The following TUBGCP5 variants were observed in gnomAD, a reference collection of about 807,000 sequenced individuals.
TUBGCP5 encodes the protein gamma-tubulin complex component 5.
In TUBGCP5, 98 loss-of-function variants were observed where a neutral mutation model predicts 134.7. The observed-to-expected ratio is 0.73, with a 90% CI of 0.62 to 0.86. The LOEUF is 0.86. Ranked by LOEUF, TUBGCP5 falls within the 40% of genes least tolerant of loss-of-function variation. TUBGCP5 has a pLI of 0.00. For synonymous variants in TUBGCP5, 456 were observed against 431.4 expected, an observed-to-expected ratio of 1.06 and a Z score of -0.71; for missense variants, 1,150 against 1,244.8, an observed-to-expected ratio of 0.92 and a Z score of 1.15.
intron 3 of TUBGCP5, among the ~76,000 whole-genome samples, chr15:23,035,997 G>A (rs1405424933): frequency 6.6e-6 from 1 of 152,206 alleles, no homozygotes; most frequent in Non-Finnish European, 1.5e-5. Context: ...CAGTGCCTGA[G>A]TTTAATATTA....
chr15:23,039,455 T>G lies in TUBGCP5; in HGVS notation c.89A>C (p.Gln30Pro). The change falls in exon 1 of 23, where the codon CAG (glutamine) becomes CCG (proline). Residue 30 changes from glutamine (Q) to proline (P), a missense_variant. Coordinates refer to ENST00000615383, the MANE Select transcript of TUBGCP5 (RefSeq NM_052903.6). ...RELVRGVAGLQDEADPNFQLA... is the reference protein window; with the variant it reads ...RELVRGVAGLPDEADPNFQLA... Reference sequence around the variant, plus strand: ...CTGGAAGTTGGGGTCTGCCTCGTCCTGGAGGCCGGCGACACCCCGGACGAG... The same window carrying G: ...CTGGAAGTTGGGGTCTGCCTCGTCCGGGAGGCCGGCGACACCCCGGACGAG... 6.5e-7 allele frequency: 1 copy of G among 1,549,460 alleles called. No individual in the cohort carries two copies. Among genetic ancestry groups the G allele is most frequent in the South Asian group, 1.2e-5 (1 of 83,966 alleles).
chr15:23,017,892 T>TACAC lies in TUBGCP5; in HGVS notation c.1636_1637insGTGT (p.His546ArgfsTer73), dbSNP rs2065431780. ...AGGTTTGAGGAAGGACACCATGGTG[T>TACAC]GCTGCCTGCTGGAGGGCCCCTGGTC... On this transcript the variant is annotated frameshift_variant, in exon 13 of 23. Coordinates refer to ENST00000615383, the MANE Select transcript of TUBGCP5 (RefSeq NM_052903.6). LOFTEE classifies it high-confidence loss of function. 1 of 1,614,048 alleles carries TACAC rather than the reference T, an allele frequency of 6.2e-7. No homozygotes were observed. The highest frequency in any genetic ancestry group is 8.5e-7 in the Non-Finnish European group (1 of 1,180,016).
intron 11 of TUBGCP5, among the ~76,000 whole-genome samples, chr15:23,021,730 T>G (rs1816769776): frequency 6.6e-6 from 1 of 152,204 alleles, no homozygotes; most frequent in African/African-American, 2.4e-5. Flanking sequence ...ACACATCAGG[T>G]AGGTACTTCT....
At chr15:22,987,220 G>C (rs1309134236) in intron 23 of TUBGCP5, among the ~76,000 whole-genome samples, 1 of 151,914 alleles carries the variant, frequency 6.6e-6, no homozygotes, top group Non-Finnish European at 1.5e-5. Context: ...TGCAATTCCA[G>C]CTACTTGGGA....
intron 1 of TUBGCP5, among the ~76,000 whole-genome samples, chr15:23,038,717 T>C (rs1201624322): frequency 2.0e-5 from 3 of 152,222 alleles, no homozygotes; most frequent in Admixed American, 1.3e-4. Context: ...GTAATGACTC[T>C]AAAAGTATTA....
intron 13 of TUBGCP5, 94 bp downstream of exon 13, chr15:23,017,679 G>A (rs2065417065): frequency 7.8e-7 from 1 of 1,290,066 alleles, no homozygotes; most frequent in South Asian, 1.6e-5. Flanking sequence ...TTGATGACTT[G>A]CAAACTACAA....
At chr15:22,995,585 A>AAC (rs1555432146), downstream of TUBGCP5, among the ~76,000 whole-genome samples, 2 of 151,432 alleles carry the variant, frequency 1.3e-5, no homozygotes, top group African/African-American at 4.9e-5. Context: ...AAAAAAAAAA[A>AAC]AAAACAAAAC....
intron 1 of TUBGCP5, among the ~76,000 whole-genome samples, chr15:23,037,501 A>AC (rs2066663056): frequency 6.6e-6 from 1 of 152,202 alleles, no homozygotes; most frequent in African/African-American, 2.4e-5. Context: ...AAGCCTAAGG[A>AC]CCCCTTCTCT....
At chr15:23,009,273 A>AT (rs536559427) in intron 15 of TUBGCP5, among the ~76,000 whole-genome samples, 54 of 145,370 alleles carry the variant, frequency 3.7e-4, no homozygotes, top group Admixed American at 4.9e-4. Context: ...AATTGCCATA[A>AT]TTTTTTTTTT....
chr15:23,029,333 T>G (rs931454768), intron 6 of TUBGCP5, among the ~76,000 whole-genome samples: 2 of 152,208 alleles, frequency 1.3e-5, no homozygotes, highest in South Asian at 4.1e-4. Flanking sequence ...GCGATTCTTC[T>G]GCTTCAGCCT....
intron 21 of TUBGCP5, among the ~76,000 whole-genome samples, chr15:23,002,433 T>C (rs574036025): frequency 1.1e-4 from 16 of 152,200 alleles, no homozygotes; most frequent in East Asian, 1.9e-4. Context: ...GGTAACAAAA[T>C]ATTGAGCTGT....
chr15:23,006,707 A>T (rs1191236986), intron 16 of TUBGCP5, among the ~76,000 whole-genome samples: 2 of 152,156 alleles, frequency 1.3e-5, no homozygotes, highest in Non-Finnish European at 1.5e-5. Flanking sequence ...GGACGAGCAG[A>T]GCAGCTCGAC....
chr15:23,024,880 T>C lies in TUBGCP5; in HGVS notation c.828-50A>G, dbSNP rs371867793. The stretch of plus-strand genomic sequence containing the variant: ...AGTGTACTTTAAGTCTAGAAAAATA[T>C]TCATGACAGTATGCCCAGGACATTT... On this transcript the variant is annotated intron_variant, in intron 8 of 22. Coordinates refer to ENST00000615383, the MANE Select transcript of TUBGCP5 (RefSeq NM_052903.6). 3.2e-5 allele frequency: 37 copies of C among 1,144,318 alleles called. No individual in the cohort carries two copies. In the African/African-American group the frequency reaches 5.2e-4, roughly 16 times the overall value. The allele number at this position is 1,144,318 out of a possible 1,614,324, so 70.9% of individuals were successfully genotyped here. A position where few individuals can be genotyped will look rare whatever the true frequency, so the allele number is the denominator to read the frequency against.
intron 13 of TUBGCP5, among the ~76,000 whole-genome samples, chr15:23,014,631 G>A (rs1358046058): frequency 6.6e-6 from 1 of 152,202 alleles, no homozygotes; most frequent in Non-Finnish European, 1.5e-5. Flanking sequence ...AACAAGCCAT[G>A]TGACCATGTC....
chr15:23,035,476 C>T (rs1398055257), intron 3 of TUBGCP5, among the ~76,000 whole-genome samples: 1 of 152,188 alleles, frequency 6.6e-6, no homozygotes, highest in Non-Finnish European at 1.5e-5. Flanking sequence ...AACTGTTCCA[C>T]CTCAGATCAT....
chr15:23,021,293 C>T (rs1022131282), intron 11 of TUBGCP5, among the ~76,000 whole-genome samples: 14 of 151,998 alleles, frequency 9.2e-5, no homozygotes, highest in African/African-American at 3.4e-4. Flanking sequence ...TTTTAAAATA[C>T]AATATAAAAT....
At chr15:23,024,670 T>C in intron 9 of TUBGCP5, 67 bp downstream of exon 9, 1 of 870,916 alleles carries the variant, frequency 1.1e-6, no homozygotes, top group Non-Finnish European at 1.8e-6. Flanking sequence ...TGTAAAATGT[T>C]CTAAAATTAT....
chr15:23,039,135 G>C (rs946824758), intron 1 of TUBGCP5, among the ~76,000 whole-genome samples: 2 of 152,018 alleles, frequency 1.3e-5, no homozygotes, highest in African/African-American at 4.8e-5. Context: ...CGCGCGCGCC[G>C]GCCGGCAAGA....
chr15:23,032,818 C>T lies in TUBGCP5; in HGVS notation c.316G>A (p.Ala106Thr). The part of the protein sequence containing the change: ...LPSIKEIKTD[A>T]HYSILSLLLC... The stretch of plus-strand genomic sequence containing the variant: ...AGAAGTGACAGTATGGAATAATGTG[C>T]ATCTGTCTTTAAAACAAAAAAAAGA... The change falls in exon 4 of 23, where the codon GCA (alanine) becomes ACA (threonine). Residue 106 changes from alanine to threonine, a missense_variant. By Grantham distance (58) the Ala-to-Thr change is moderately conservative. Coordinates refer to ENST00000615383, the MANE Select transcript of TUBGCP5 (RefSeq NM_052903.6). 2 of 1,562,268 alleles carry T rather than the reference C, an allele frequency of 1.3e-6. No homozygotes were observed. The highest frequency in any genetic ancestry group is 1.2e-5 in the South Asian group (1 of 81,718).
Sources: allele counts gnomAD v4.1 joint callset (sites outside exome capture counted in the v4.1 genomes callset), GRCh38; gene constraint gnomAD v4.1.1; transcripts MANE v1.5; gene names NCBI Gene and HGNC (gene_info 2026-07-23, HGNC 2026-07-21).